Variants in SIX6 observed in about 807,000 individuals in gnomAD.
SIX6 encodes homeobox protein SIX6.
In SIX6, 14 loss-of-function variants were observed where a neutral mutation model predicts 23.6. The ratio of observed to expected loss-of-function variants is 0.59; its 90% CI spans 0.39 to 0.93. SIX6 has a LOEUF of 0.93. Ranked by LOEUF, SIX6 falls within the 40% of genes least tolerant of loss-of-function variation. The pLI, the probability that SIX6 is intolerant of heterozygous loss-of-function variation, is 0.00. For synonymous variants in SIX6, 128 were observed against 144.9 expected, an observed-to-expected ratio of 0.88 and a Z score of 0.84; for missense variants, 307 against 325.6, an observed-to-expected ratio of 0.94 and a Z score of 0.44.
Position 60,509,394 on chromosome 14 carries a change from C to A in SIX6, c.-5C>A. ...AGTGCCCTCGCCGCCGCCGGCACTG[C>A]CTCGATGTTCCAGCTGCCCATCTTG... On this transcript the variant is annotated 5_prime_UTR_variant, in exon 1 of 2. Transcript: ENST00000327720. The A allele has an allele frequency of 6.3e-7, 1 of 1,599,162 alleles. No individual in the cohort carries two copies. Among genetic ancestry groups the A allele is most frequent in the South Asian group, 1.1e-5 (1 of 91,072 alleles).
At chr14:60,510,812 G>A (rs977939522) in intron 1 of SIX6, among the ~76,000 whole-genome samples, 3 of 152,230 alleles carry the variant, frequency 2.0e-5, no homozygotes, top group Non-Finnish European at 2.9e-5. Flanking sequence ...AAACAGGGAG[G>A]ACACTGCAAG....
In SIX6 at chr14:60,511,104, C is replaced by T; in HGVS notation, c.593C>T (p.Ser198Leu). Reference protein sequence around the residue: ...AKNRLQQQVLSQGSGRALRAE... With the variant: ...AKNRLQQQVLLQGSGRALRAE... ...CGTAGACTCCAGCAGCAGGTCCTGTCACAGGGTTCCGGGCGGGCACTACGG... is the reference window on the plus strand; with the variant it reads ...CGTAGACTCCAGCAGCAGGTCCTGTTACAGGGTTCCGGGCGGGCACTACGG... Residue 198 changes from serine (S) to leucine (L), a missense_variant, in exon 2 of 2, where the codon TCA (serine) becomes TTA (leucine). By Grantham distance (145) the Ser-to-Leu change is moderately radical (BLOSUM62 -2). Coordinates refer to ENST00000327720, the MANE Select transcript of SIX6 (RefSeq NM_007374.3). 6.2e-7 allele frequency: 1 copy of T among 1,612,898 alleles called. No individual in the cohort carries two copies. The highest frequency in any genetic ancestry group is 8.5e-7 in the Non-Finnish European group (1 of 1,179,868).
chr14:60,510,565 C>T lies in SIX6; in HGVS notation c.573-519C>T, dbSNP rs75777065. 1.4e-3 allele frequency among the ~76,000 whole-genome samples: 169 copies of T among 121,358 alleles called. 2 individuals carry two copies. In the East Asian group the frequency reaches 0.024, roughly 17 times the overall value. The allele number at this position is 121,358 out of a possible 152,430, so 79.6% of individuals were successfully genotyped here. A position where few individuals can be genotyped will look rare whatever the true frequency, so the allele number is the denominator to read the frequency against. Reference sequence around the variant, plus strand: ...GGAGTGTGGATCTCGATTAGCCAAACATTTTGCGGAAGAGCCCGGCCTCAT... The same window carrying T: ...GGAGTGTGGATCTCGATTAGCCAAATATTTTGCGGAAGAGCCCGGCCTCAT... On this transcript the variant is annotated intron_variant, in intron 1 of 1. Transcript: ENST00000327720.
At position 60,511,244 on chromosome 14, in the gene SIX6, G is replaced by T; in HGVS notation, c.733G>T (p.Asp245Tyr). ...CATCACGTCCAGCGACAGCGAGTGC[G>T]ACATCTGAGTTGCCCATCCAGGATG... ...ISITSSDSEC[D>Y]I Residue 245 changes from aspartate (D) to tyrosine (Y), a missense_variant, in exon 2 of 2, where the codon GAC (aspartate) becomes TAC (tyrosine). By Grantham distance (160) the Asp-to-Tyr change is radical (BLOSUM62 -3). Transcript: ENST00000327720. The T allele has an allele frequency of 6.2e-7, 1 of 1,613,412 alleles. No individual in the cohort carries two copies. The highest frequency in any genetic ancestry group is 8.5e-7 in the Non-Finnish European group (1 of 1,179,926).
rs2140188379 is a variant in SIX6, at chr14:60,510,076, T to C, written c.572+106T>C. The C allele has an allele frequency of 5.8e-6, 6 of 1,026,064 alleles. No homozygotes were observed. The East Asian group carries it at 7.8e-5, about 13-fold the overall frequency. The allele number at this position is 1,026,064 out of a possible 1,614,324, so 63.6% of individuals were successfully genotyped here. A position where few individuals can be genotyped will look rare whatever the true frequency, so the allele number is the denominator to read the frequency against. ...CCTGGCGACTCCAATTCAGCAGGAG[T>C]TGGGAGCGCGGTCTGTCTTGGGTTA... On this transcript the variant is annotated intron_variant, in intron 1 of 1. Transcript: ENST00000327720.
Position 60,511,408 on chromosome 14 carries a change from C to G in SIX6, c.*156C>G. 1.1e-6 allele frequency: 1 copy of G among 894,606 alleles called. No individual in the cohort carries two copies. The highest frequency in any genetic ancestry group is 1.8e-6 in the Non-Finnish European group (1 of 562,790). 55.4% of individuals were successfully genotyped at this position (894,606 alleles called of 1,614,324 possible). A position where few individuals can be genotyped will look rare whatever the true frequency, so the allele number is the denominator to read the frequency against. ...TCGGGTTGCCGTTTCCCGCCCCACC[C>G]CGCGGCCGGCCTGGCTTCACTGGCG... is the stretch of plus-strand genomic sequence containing the variant. On this transcript the variant is annotated 3_prime_UTR_variant, in exon 2 of 2. Coordinates refer to ENST00000327720, the MANE Select transcript of SIX6 (RefSeq NM_007374.3).
chr14:60,510,070 C>A, intron 1 of SIX6, 100 bp downstream of exon 1: 1 of 1,084,802 alleles, frequency 9.2e-7, no homozygotes, highest in Non-Finnish European at 1.4e-6. Context: ...TCCAATTCAG[C>A]AGGAGTTGGG....
rs939681315 is a variant in SIX6 at position 60,511,515 on chromosome 14, T to A, written c.*263T>A. 3 of 582,494 alleles carry A rather than the reference T, an allele frequency of 5.2e-6. No homozygotes were observed. Among genetic ancestry groups the A allele is most frequent in the Non-Finnish European group, 9.2e-6 (3 of 326,676 alleles). The allele number at this position is 582,494 out of a possible 1,614,324, so 36.1% of individuals were successfully genotyped here. A position where few individuals can be genotyped will look rare whatever the true frequency, so the allele number is the denominator to read the frequency against. ...TCTTGCTTTGCTTTTTCCTAAGGATTTTGCTGCAAAGTCTCCTTCGGAACC... is the reference window on the plus strand; with the variant it reads ...TCTTGCTTTGCTTTTTCCTAAGGATATTGCTGCAAAGTCTCCTTCGGAACC... On this transcript the variant is annotated 3_prime_UTR_variant, in exon 2 of 2. Coordinates refer to ENST00000327720, the MANE Select transcript of SIX6 (RefSeq NM_007374.3).
rs1594630957 is a variant in SIX6, at chr14:60,509,167, G to A, written c.-232G>A. 5.3e-6 allele frequency: 3 copies of A among 563,640 alleles called. No homozygotes were observed. In the East Asian group the frequency reaches 9.3e-5, roughly 18 times the overall value. The allele number at this position is 563,640 out of a possible 1,614,324, so 34.9% of individuals were successfully genotyped here. ...CCCCAATAGCGGAGCCAGCTCGCCTGCCGGCGTGCCTGAGCCGAGCCGAGC... is the reference window on the plus strand; with the variant it reads ...CCCCAATAGCGGAGCCAGCTCGCCTACCGGCGTGCCTGAGCCGAGCCGAGC... On this transcript the variant is annotated 5_prime_UTR_variant, in exon 1 of 2. Transcript: ENST00000327720.
At position 60,511,694 on chromosome 14, in the gene SIX6, G is replaced by A; in HGVS notation, c.*442G>A. ...CTTATTTAAGAGACCGCCATGGTAG[G>A]TTTCTCTGTAGCTTGGGGAACTTGC... On this transcript the variant is annotated 3_prime_UTR_variant, in exon 2 of 2. Coordinates refer to ENST00000327720, the MANE Select transcript of SIX6 (RefSeq NM_007374.3). The A allele has an allele frequency of 3.9e-6, 1 of 255,040 alleles. No homozygotes were observed. 15.8% of individuals were successfully genotyped at this position (255,040 alleles called of 1,614,324 possible).
intron 1 of SIX6, among the ~76,000 whole-genome samples, chr14:60,510,523 G>A (rs890841506): frequency 1.3e-5 from 2 of 152,204 alleles, no homozygotes; most frequent in African/African-American, 4.8e-5. Context: ...TCCGTGGGCC[G>A]AGGCTTTTCG....
chr14:60,509,186 G>T lies in SIX6; in HGVS notation c.-213G>T. The T allele has an allele frequency of 1.7e-6, 1 of 589,858 alleles. No individual in the cohort carries two copies. The highest frequency in any genetic ancestry group is 3.0e-6 in the Non-Finnish European group (1 of 331,436). The allele number at this position is 589,858 out of a possible 1,614,324, so 36.5% of individuals were successfully genotyped here. A position where few individuals can be genotyped will look rare whatever the true frequency, so the allele number is the denominator to read the frequency against. On this transcript the variant is annotated 5_prime_UTR_variant, in exon 1 of 2. Transcript: ENST00000327720. ...TCGCCTGCCGGCGTGCCTGAGCCGA[G>T]CCGAGCCCGAACCCCAAGCCGCGGA...
Position 60,509,178 on chromosome 14 carries a change from T to TGAGAC in SIX6, c.-218_-217insACGAG, listed in dbSNP as rs914151506. ...GAGCCAGCTCGCCTGCCGGCGTGCCTGAGCCGAGCCGAGCCCGAACCCCAA... is the reference window on the plus strand; with the variant it reads ...GAGCCAGCTCGCCTGCCGGCGTGCCTGAGACGAGCCGAGCCGAGCCCGAACCCCAA... On this transcript the variant is annotated 5_prime_UTR_variant, in exon 1 of 2. Transcript: ENST00000327720. 1 of 580,834 alleles carries TGAGAC rather than the reference T, an allele frequency of 1.7e-6. No homozygotes were observed. Among genetic ancestry groups the TGAGAC allele is most frequent in the African/African-American group, 1.9e-5 (1 of 52,774 alleles). 36.0% of individuals were successfully genotyped at this position (580,834 alleles called of 1,614,324 possible).
intron 1 of SIX6, 37 bp downstream of exon 1, chr14:60,510,007 G>A (rs750494627): frequency 2.1e-5 from 32 of 1,553,188 alleles, no homozygotes; most frequent in Admixed American, 7.4e-5. Flanking sequence ...TGAGCGCACC[G>A]GGGAGGAGGC....
chr14:60,509,605 G>T lies in SIX6; in HGVS notation c.207G>T (p.Glu69Asp), dbSNP rs764765669. 1.2e-6 allele frequency: 2 copies of T among 1,613,580 alleles called. No homozygotes were observed. Among genetic ancestry groups the T allele is most frequent in the Non-Finnish European group, 1.7e-6 (2 of 1,180,010 alleles). ...CCTTTCACGGTGGCAACTACCGCGA[G>T]CTCTATCATATCCTGGAAAACCACA... ...IVAFHGGNYRELYHILENHKF... is the reference protein window; with the variant it reads ...IVAFHGGNYRDLYHILENHKF... Residue 69 changes from glutamate to aspartate, a missense_variant, in exon 1 of 2, where the codon GAG (glutamate) becomes GAT (aspartate). Coordinates refer to ENST00000327720, the MANE Select transcript of SIX6 (RefSeq NM_007374.3).
rs1274638842 is a variant in SIX6, at chr14:60,512,576, A to AT, written c.*1328dup. On this transcript the variant is annotated 3_prime_UTR_variant, in exon 2 of 2. Coordinates refer to ENST00000327720, the MANE Select transcript of SIX6 (RefSeq NM_007374.3). The stretch of plus-strand genomic sequence containing the variant: ...AAACAAGGCTGTAGAAATAACTGGC[A>AT]TTTTAAAAACCTAATCTCCGAATTA... 1 of 152,218 alleles carries AT rather than the reference A, an allele frequency of 6.6e-6. No homozygotes were observed. The highest frequency in any genetic ancestry group is 1.5e-5 in the Non-Finnish European group (1 of 68,030). 9.4% of individuals were successfully genotyped at this position (152,218 alleles called of 1,614,324 possible).
Position 60,511,409 on chromosome 14 carries a change from C to A in SIX6, c.*157C>A. 1 of 893,798 alleles carries A rather than the reference C, an allele frequency of 1.1e-6. No individual in the cohort carries two copies. The highest frequency in any genetic ancestry group is 1.8e-6 in the Non-Finnish European group (1 of 562,064). 55.4% of individuals were successfully genotyped at this position (893,798 alleles called of 1,614,324 possible). A position where few individuals can be genotyped will look rare whatever the true frequency, so the allele number is the denominator to read the frequency against. On this transcript the variant is annotated 3_prime_UTR_variant, in exon 2 of 2. Transcript: ENST00000327720. ...CGGGTTGCCGTTTCCCGCCCCACCCCGCGGCCGGCCTGGCTTCACTGGCGC... is the reference window on the plus strand; with the variant it reads ...CGGGTTGCCGTTTCCCGCCCCACCCAGCGGCCGGCCTGGCTTCACTGGCGC...
In SIX6 at chr14:60,511,558, G is replaced by A; in HGVS notation, c.*306G>A. 1 of 537,672 alleles carries A rather than the reference G, an allele frequency of 1.9e-6. No homozygotes were observed. The highest frequency in any genetic ancestry group is 3.4e-6 in the Non-Finnish European group (1 of 298,418). The allele number at this position is 537,672 out of a possible 1,614,324, so 33.3% of individuals were successfully genotyped here. ...TCGGAACCCGAACTGCAAGCTGAGC[G>A]CCTGCCCAGATTCTCCCATGGGTAT... is the stretch of plus-strand genomic sequence containing the variant. On this transcript the variant is annotated 3_prime_UTR_variant, in exon 2 of 2. Transcript: ENST00000327720.
intron 1 of SIX6, 75 bp from the exon 2 acceptor site, chr14:60,511,009 C>A: frequency 1.4e-6 from 2 of 1,470,694 alleles, no homozygotes; most frequent in South Asian, 1.2e-5. Context: ...GCTGGAGGGA[C>A]GCAGGAGGTG....
Sources: allele counts gnomAD v4.1 joint callset (sites outside exome capture counted in the v4.1 genomes callset), GRCh38; gene constraint gnomAD v4.1.1; transcripts MANE v1.5; gene names NCBI Gene and HGNC (gene_info 2026-07-23, HGNC 2026-07-21).